VGLL4: variants seen among roughly 807,000 people sequenced by gnomAD.
VGLL4 encodes the protein vestigial like family member 4.
VGLL4 carries 7 observed loss-of-function variants against 21.0 expected under a neutral mutation model. The observed-to-expected ratio is 0.33, with a 90% CI of 0.19 to 0.63. VGLL4 has a LOEUF of 0.63. Ranked by LOEUF, VGLL4 falls within the 20% of genes least tolerant of loss-of-function variation. VGLL4 has a pLI of 0.78. For synonymous variants in VGLL4, 222 were observed against 173.2 expected, an observed-to-expected ratio of 1.28 and a Z score of -2.21; for missense variants, 394 against 425.7, an observed-to-expected ratio of 0.93 and a Z score of 0.66.
intron 2 of VGLL4, among the ~76,000 whole-genome samples, chr3:11,571,186 C>T (rs1000738395): frequency 3.3e-5 from 5 of 152,312 alleles, no homozygotes; most frequent in East Asian, 1.9e-4. Context: ...GCTTCAATAG[C>T]GGGGTCCATC....
intron 2 of VGLL4, among the ~76,000 whole-genome samples, chr3:11,701,289 A>G (rs1038274795): frequency 6.6e-6 from 1 of 152,068 alleles, no homozygotes; most frequent in Non-Finnish European, 1.5e-5. Flanking sequence ...TTCCTCTCAC[A>G]TGTGACATGC....
chr3:11,593,722 G>A (rs2074561267), intron 2 of VGLL4, among the ~76,000 whole-genome samples: 1 of 152,132 alleles, frequency 6.6e-6, no homozygotes, highest in African/African-American at 2.4e-5. Flanking sequence ...CACCAGAATC[G>A]GGACATCGGG....
intron 2 of VGLL4, among the ~76,000 whole-genome samples, chr3:11,664,422 T>C (rs374169551): frequency 2.0e-5 from 3 of 152,272 alleles, no homozygotes; most frequent in Admixed American, 2.0e-4. Context: ...CTAGCTCCCA[T>C]GTGGCCCTGG....
chr3:11,666,748 G>T lies in VGLL4; in HGVS notation c.64+36223C>A, dbSNP rs150370871. Among the ~76,000 whole-genome samples the T allele has an allele frequency of 1.7e-4, 26 of 152,194 alleles. No homozygotes were observed. The East Asian group carries it at 5.0e-3, about 29-fold the overall frequency. ...AAGACATTCTGTAAACACCAAAAGG[G>T]CATCTCTAAGGACCTGAAAACCTAC... On this transcript the variant is annotated intron_variant, in intron 2 of 5. Coordinates refer to the VGLL4 transcript ENST00000273038.
chr3:11,611,157 G>A (rs1369951816), intron 1 of VGLL4, among the ~76,000 whole-genome samples: 1 of 152,052 alleles, frequency 6.6e-6, no homozygotes. Flanking sequence ...CGGGAGGAAG[G>A]GGAGCTTATT....
At chr3:11,620,550 T>A (rs2075246274) in intron 1 of VGLL4, among the ~76,000 whole-genome samples, 1 of 152,162 alleles carries the variant, frequency 6.6e-6, no homozygotes, top group Admixed American at 6.5e-5. Context: ...CCTCTTCCAA[T>A]CAGACCTGCC....
In VGLL4 at chr3:11,558,457, C is replaced by A. The variant is rs1320592705; in HGVS notation, c.*99G>T. The A allele has an allele frequency of 3.0e-6, 3 of 1,000,080 alleles. No homozygotes were observed. The highest frequency in any genetic ancestry group is 4.2e-6 in the Non-Finnish European group (3 of 718,086). 62.0% of individuals were successfully genotyped at this position (1,000,080 alleles called of 1,614,324 possible). On this transcript the variant is annotated 3_prime_UTR_variant, in exon 5 of 5. Transcript: ENST00000430365. ...GCAAATAAACCATCCCTTCCCTTCC[C>A]CCCACCCCACCCCCATGATTTTTTT...
At chr3:11,561,783 C>T (rs1369112534) in intron 3 of VGLL4, among the ~76,000 whole-genome samples, 5 of 152,106 alleles carry the variant, frequency 3.3e-5, no homozygotes, top group South Asian at 2.1e-4. Context: ...CCCCTTCACC[C>T]GCTGTCCCAC....
chr3:11,637,843 A>T (rs2075617274), intron 1 of VGLL4, among the ~76,000 whole-genome samples: 1 of 152,218 alleles, frequency 6.6e-6, no homozygotes, highest in South Asian at 2.1e-4. Context: ...ATGACACATG[A>T]GTTCATTAAA....
intron 1 of VGLL4, among the ~76,000 whole-genome samples, chr3:11,613,418 GA>G (rs2075100532): frequency 6.6e-6 from 1 of 152,268 alleles, no homozygotes; most frequent in African/African-American, 2.4e-5. Flanking sequence ...AGAGAGAACA[GA>G]AAACTAAACT....
At chr3:11,573,390 A>G (rs942605768) in intron 2 of VGLL4, among the ~76,000 whole-genome samples, 10 of 149,600 alleles carry the variant, frequency 6.7e-5, no homozygotes, top group African/African-American at 1.7e-4. Context: ...AAAGAAAGAA[A>G]GAAAGAAAAT....
chr3:11,611,215 C>A (rs750357028), intron 1 of VGLL4, among the ~76,000 whole-genome samples: 2 of 152,112 alleles, frequency 1.3e-5, no homozygotes, highest in East Asian at 3.8e-4. Flanking sequence ...AGTCCCAAAC[C>A]CCAGTACTGC....
chr3:11,666,689 T>C (rs2076132018), intron 2 of VGLL4, among the ~76,000 whole-genome samples: 1 of 152,116 alleles, frequency 6.6e-6, no homozygotes, highest in Admixed American at 6.5e-5. Context: ...TAATTACTAC[T>C]CACACTGGAC....
chr3:11,665,101 CTTTTTTTTTTTTTTT>C (rs59999510), intron 2 of VGLL4, among the ~76,000 whole-genome samples: 1 of 96,972 alleles, frequency 1.0e-5, no homozygotes, highest in African/African-American at 4.9e-5. Context: ...GAATATTTTT[CTTTTTTTTTTTTTTT>C]TTTTTTTTTT....
At chr3:11,711,121 G>A (rs535640131) in intron 1 of VGLL4, among the ~76,000 whole-genome samples, 25 of 151,308 alleles carry the variant, frequency 1.7e-4, no homozygotes, top group Non-Finnish European at 1.8e-4. Context: ...GAATTTAGAG[G>A]TGGCTGGGCA....
chr3:11,595,902 G>C (rs1045161276), intron 2 of VGLL4, among the ~76,000 whole-genome samples: 2 of 151,556 alleles, frequency 1.3e-5, no homozygotes, highest in Non-Finnish European at 2.9e-5. Flanking sequence ...GTTAATGGGT[G>C]CAGCACACCA....
chr3:11,566,910 A>G (rs564552437), intron 2 of VGLL4, among the ~76,000 whole-genome samples: 47 of 152,258 alleles, frequency 3.1e-4, no homozygotes, highest in Non-Finnish European at 1.5e-4. Context: ...GAAGCAGCAT[A>G]TGGGTGACCG....
chr3:11,593,599 G>A (rs1025131528), intron 2 of VGLL4, among the ~76,000 whole-genome samples: 2 of 150,120 alleles, frequency 1.3e-5, no homozygotes, highest in Admixed American at 1.3e-4. Flanking sequence ...AACACCAGAT[G>A]AACAATGAAG....
chr3:11,644,280 A>C (rs2075752722), upstream of VGLL4, among the ~76,000 whole-genome samples: 1 of 152,148 alleles, frequency 6.6e-6, no homozygotes, highest in African/African-American at 2.4e-5. Flanking sequence ...CTAGTGATGC[A>C]TAAGCCATAT....
Sources: gnomAD v4.1 joint callset for allele counts (sites outside exome capture counted in the v4.1 genomes callset) on GRCh38, gnomAD v4.1.1 for gene constraint, MANE v1.5 for transcripts, NCBI Gene and HGNC (gene_info 2026-07-23, HGNC 2026-07-21) for gene names.